The following OSBP2 variants were observed in gnomAD, a reference collection of about 807,000 sequenced individuals.
OSBP2 encodes the protein oxysterol binding protein 2.
OSBP2 carries 66 observed loss-of-function variants against 96.0 expected under a neutral mutation model. That is an observed-to-expected ratio of 0.69 (90% CI 0.56 to 0.84). The LOEUF is 0.84. OSBP2 is among the 40% of genes least tolerant of loss of function. The probability of loss-of-function intolerance (pLI) is 0.00; values close to 1 mark genes in which losing one functional copy is unlikely to be tolerated. For synonymous variants in OSBP2, 525 were observed against 520.9 expected (o/e 1.01, Z -0.11); for missense variants, 1,038 against 1,222.7 (o/e 0.85, Z 2.25).
intron 2 of OSBP2, among the ~76,000 whole-genome samples, chr22:30,846,566 A>G (rs2038875218): frequency 1.3e-5 from 2 of 151,862 alleles, no homozygotes; most frequent in Non-Finnish European, 2.9e-5. Context: ...GGGAAATGCT[A>G]GTATCTCACT....
intron 12 of OSBP2, among the ~76,000 whole-genome samples, chr22:30,901,842 C>A (rs920447492): frequency 6.6e-6 from 1 of 152,030 alleles, no homozygotes; most frequent in Non-Finnish European, 1.5e-5. Flanking sequence ...CCAGCCTGGA[C>A]GACGAGTGAA....
chr22:30,886,203 T>G (rs1448273699), intron 3 of OSBP2, among the ~76,000 whole-genome samples: 4 of 152,212 alleles, frequency 2.6e-5, no homozygotes, highest in African/African-American at 9.7e-5. Context: ...AGCAATCAAA[T>G]ACATTTAAGA....
chr22:30,740,865 G>C (rs1267317785), intron 1 of OSBP2, among the ~76,000 whole-genome samples: 1 of 152,176 alleles, frequency 6.6e-6, no homozygotes, highest in Non-Finnish European at 1.5e-5. Context: ...CAGTCATTCT[G>C]CCATTTCCTG....
At chr22:30,832,575 G>A (rs752642736) in intron 2 of OSBP2, among the ~76,000 whole-genome samples, 2 of 152,114 alleles carry the variant, frequency 1.3e-5, no homozygotes, top group Non-Finnish European at 2.9e-5. Context: ...GCTGCTGCTT[G>A]TATTGTGCAA....
intron 2 of OSBP2, among the ~76,000 whole-genome samples, chr22:30,806,601 C>A (rs1034990379): frequency 6.6e-6 from 1 of 152,186 alleles, no homozygotes; most frequent in Non-Finnish European, 1.5e-5. Context: ...ATGACTCATC[C>A]ATGGAGGTGT....
chr22:30,738,420 G>A (rs927190970), intron 1 of OSBP2, among the ~76,000 whole-genome samples: 1 of 152,136 alleles, frequency 6.6e-6, no homozygotes, highest in African/African-American at 2.4e-5. Flanking sequence ...TTCTAAATTA[G>A]AGTGACTGTC....
At chr22:30,875,523 C>T (rs1003347826) in intron 3 of OSBP2, among the ~76,000 whole-genome samples, 1 of 152,190 alleles carries the variant, frequency 6.6e-6, no homozygotes, top group Non-Finnish European at 1.5e-5. Flanking sequence ...TAGGTATGCA[C>T]CACCACACTC....
chr22:30,776,608 TTC>T (rs1341127724), intron 2 of OSBP2, among the ~76,000 whole-genome samples: 1 of 152,142 alleles, frequency 6.6e-6, no homozygotes, highest in Non-Finnish European at 1.5e-5. Flanking sequence ...TTTTTTCCTT[TTC>T]TTTTTTTGGA....
At chr22:30,751,756 C>G (rs556226483) in intron 2 of OSBP2, among the ~76,000 whole-genome samples, 90 of 152,300 alleles carry the variant, frequency 5.9e-4, no homozygotes, top group Non-Finnish European at 1.2e-3. Context: ...GAATCACCCG[C>G]AGGAGATTAG....
At position 30,841,507 on chromosome 22, in the gene OSBP2, G is replaced by T. The variant is rs190493512; in HGVS notation, c.854-28922G>T. 3.2e-3 allele frequency among the ~76,000 whole-genome samples: 488 copies of T among 152,258 alleles called. 3 individuals are homozygous for T. Among genetic ancestry groups the T allele is most frequent in the Admixed American group, 5.8e-3 (89 of 15,290 alleles). On this transcript the variant is annotated intron_variant, in intron 2 of 13. Coordinates refer to ENST00000332585, the MANE Select transcript of OSBP2 (RefSeq NM_030758.4). ...ACATGTATCAGTACTTCTCTCCTTT[G>T]TACTGTTGAGTAAGATTCCGTGACG...
At chr22:30,749,818 G>C (rs2090051786) in intron 2 of OSBP2, among the ~76,000 whole-genome samples, 1 of 152,060 alleles carries the variant, frequency 6.6e-6, no homozygotes, top group Non-Finnish European at 1.5e-5. Context: ...ATGTTAGCCA[G>C]GCTGGTCTTG....
At chr22:30,858,604 G>A (rs943669929) in intron 2 of OSBP2, among the ~76,000 whole-genome samples, 1 of 150,704 alleles carries the variant, frequency 6.6e-6, no homozygotes, top group Non-Finnish European at 1.5e-5. Context: ...CCTGGCCAGG[G>A]ACGGTGGCTC....
In OSBP2 at chr22:30,695,277, C is replaced by G. The variant is rs761479332; in HGVS notation, c.368C>G (p.Ala123Gly). 1 of 1,613,422 alleles carries G rather than the reference C, an allele frequency of 6.2e-7. No homozygotes were observed. Among genetic ancestry groups the G allele is most frequent in the Non-Finnish European group, 8.5e-7 (1 of 1,180,022 alleles). ...GVGAGPFTKA[A>G]SEPLSRAVGS... is the part of the protein sequence containing the mutation. ...GGGGCTGGGCCCTTCACTAAGGCCG[C>G]ATCGGAGCCGCTCTCCCGGGCGGTG... The change falls in exon 1 of 14, where the codon GCA becomes GGA. Residue 123 changes from alanine to glycine, a missense_variant. Ala to Gly is a moderately conservative substitution (Grantham distance 60, BLOSUM62 0). Around this residue, in one of 3 missense-constraint regions of OSBP2, gnomAD observed 281 missense variants for 273.4 expected, o/e 1.03. Transcript: ENST00000332585.
chr22:30,893,296 G>A, intron 9 of OSBP2, 54 bp downstream of exon 9: 1 of 1,611,606 alleles, frequency 6.2e-7, no homozygotes, highest in Non-Finnish European at 8.5e-7. Flanking sequence ...GCATAAGAGG[G>A]AGGATTCTGG....
At chr22:30,867,265 G>GA (rs2039359111) in intron 2 of OSBP2, among the ~76,000 whole-genome samples, 1 of 152,052 alleles carries the variant, frequency 6.6e-6, no homozygotes, top group African/African-American at 2.4e-5. Flanking sequence ...ACTGCCACAT[G>GA]CTCCCTTTTG....
At chr22:30,741,463 A>G in intron 2 of OSBP2, 94 bp downstream of exon 2, 1 of 1,018,676 alleles carries the variant, frequency 9.8e-7, no homozygotes, top group South Asian at 1.5e-5. Context: ...AGTGGTGGCC[A>G]GGAGACCCAG....
intron 2 of OSBP2, among the ~76,000 whole-genome samples, chr22:30,803,543 G>A (rs1171524613): frequency 6.6e-6 from 1 of 152,198 alleles, no homozygotes; most frequent in Non-Finnish European, 1.5e-5. Context: ...GCCTGGCCCC[G>A]AGCAACCTAG....
At chr22:30,715,230 C>T (rs1439838132) in intron 1 of OSBP2, among the ~76,000 whole-genome samples, 2 of 152,112 alleles carry the variant, frequency 1.3e-5, no homozygotes, top group African/African-American at 2.4e-5. Context: ...AGTTTCTCTA[C>T]GTCCTTGCCA....
intron 2 of OSBP2, among the ~76,000 whole-genome samples, chr22:30,768,186 A>G (rs1468878112): frequency 6.6e-6 from 1 of 151,914 alleles, no homozygotes; most frequent in East Asian, 1.9e-4. Flanking sequence ...ACTGAGTTGG[A>G]TTTTCACCCT....
Sources: gnomAD v4.1 joint callset for allele counts (sites outside exome capture counted in the v4.1 genomes callset) on GRCh38, gnomAD v4.1.1 for gene constraint, gnomAD v4.1.1 regional missense constraint, MANE v1.5 for transcripts, NCBI Gene and HGNC (gene_info 2026-07-23, HGNC 2026-07-21) for gene names.